OTOF: variants seen among roughly 807,000 people sequenced by gnomAD.
OTOF encodes otoferlin.
A neutral mutation model predicts 236.8 loss-of-function variants in OTOF; 218 were observed. The observed-to-expected ratio is 0.92, with a 90% CI of 0.82 to 1.03. OTOF has a LOEUF of 1.03. OTOF is among the 50% of genes least tolerant of loss of function. The probability of loss-of-function intolerance (pLI) is 0.00; values close to 1 mark genes in which losing one functional copy is unlikely to be tolerated. For missense variants in OTOF, 2,590 were observed against 2,694.4 expected (o/e 0.96, Z 0.86); for synonymous variants, 1,041 against 1,072.5 (o/e 0.97, Z 0.57).
intron 32 of OTOF, among the ~76,000 whole-genome samples, chr2:26,469,430 G>C (rs1664881001): frequency 6.6e-6 from 1 of 152,198 alleles, no homozygotes; most frequent in Non-Finnish European, 1.5e-5. Context: ...AAGTTTTGCT[G>C]AGCACACAGC....
chr2:26,491,147 C>T (rs1025371689), intron 9 of OTOF, among the ~76,000 whole-genome samples: 10 of 152,042 alleles, frequency 6.6e-5, no homozygotes, highest in African/African-American at 1.9e-4. Context: ...AGGAGAGTGG[C>T]GTGAGGGGCC....
chr2:26,486,218 A>G (rs996693071), intron 11 of OTOF, among the ~76,000 whole-genome samples: 2 of 137,258 alleles, frequency 1.5e-5, no homozygotes, highest in African/African-American at 5.5e-5. Context: ...AGGTGGATGG[A>G]TCTGTGGATA....
In OTOF at chr2:26,483,549, G is replaced by A. The variant is rs775703697; in HGVS notation, c.1305C>T (p.Ser435=). Residue 435 remains serine, a synonymous_variant, in exon 13 of 47, where the codon AGC becomes AGT. Coordinates refer to ENST00000272371, the MANE Select transcript of OTOF (RefSeq NM_194248.3). ...RAEGLPRMNT[S]LMANVKKAFI... ...AAGCCTTCTTTACATTGGCCATGAG[G>A]CTTGTGTTCATACGGGGCAGCCCCT... The A allele has an allele frequency of 1.2e-6, 2 of 1,613,998 alleles. No homozygotes were observed. Among genetic ancestry groups the A allele is most frequent in the Non-Finnish European group, 1.7e-6 (2 of 1,180,016 alleles).
At position 26,472,529 on chromosome 2, in the gene OTOF, T is replaced by A; in HGVS notation, c.3854A>T (p.Lys1285Met). 6.2e-7 allele frequency: 1 copy of A among 1,613,508 alleles called. No individual in the cohort carries two copies. The highest frequency in any genetic ancestry group is 1.1e-5 in the South Asian group (1 of 91,086). The change falls in exon 30 of 47, where the codon AAG becomes ATG. Residue 1285 changes from lysine (K) to methionine (M), a missense_variant. By Grantham distance (95) the Lys-to-Met change is moderately conservative. Coordinates refer to ENST00000272371, the MANE Select transcript of OTOF (RefSeq NM_194248.3). ...VPIKKLETMVKLDATSEAVVK... is the reference protein window; with the variant it reads ...VPIKKLETMVMLDATSEAVVK... ...CCCCACCCGCCTTACCGCGTCCAGC[T>A]TCACCATGGTCTCCAGTTTCTTGAT...
intron 11 of OTOF, among the ~76,000 whole-genome samples, chr2:26,487,773 C>T (rs968590677): frequency 2.6e-5 from 4 of 152,236 alleles, no homozygotes; most frequent in African/African-American, 9.6e-5. Context: ...GCCAGTCATT[C>T]CAAGCAAGTA....
At chr2:26,548,398 G>A (rs1415997735) in intron 1 of OTOF, among the ~76,000 whole-genome samples, 2 of 151,960 alleles carry the variant, frequency 1.3e-5, no homozygotes, top group African/African-American at 2.4e-5. Context: ...ATATTCCCAA[G>A]GTTGTACACC....
intron 5 of OTOF, among the ~76,000 whole-genome samples, chr2:26,508,517 C>A (rs745527710): frequency 1.1e-4 from 16 of 152,242 alleles, no homozygotes; most frequent in Non-Finnish European, 2.1e-4. Context: ...GGGACCCACA[C>A]ACACTTGTCC....
At chr2:26,545,212 A>T (rs1055143246) in intron 1 of OTOF, among the ~76,000 whole-genome samples, 1 of 152,222 alleles carries the variant, frequency 6.6e-6, no homozygotes, top group Admixed American at 6.5e-5. Flanking sequence ...AGCATGTGAA[A>T]TAATATCTCT....
chr2:26,493,472 A>G (rs1445470500), intron 9 of OTOF, among the ~76,000 whole-genome samples: 1 of 152,274 alleles, frequency 6.6e-6, no homozygotes, highest in East Asian at 1.9e-4. Flanking sequence ...CAGGAAAGGG[A>G]TGGCAGGGCC....
chr2:26,480,900 C>T lies in OTOF; in HGVS notation c.1689G>A (p.Val563=). The T allele has an allele frequency of 1.2e-6, 2 of 1,612,970 alleles. No individual in the cohort carries two copies. Among genetic ancestry groups the T allele is most frequent in the Non-Finnish European group, 1.7e-6 (2 of 1,179,944 alleles). The change falls in exon 15 of 47, where the codon GTG becomes GTA. Residue 563 remains valine, a synonymous_variant. Transcript: ENST00000272371. Reference sequence around the variant, plus strand: ...CCAGCAGGAGCCGGGCCCGGAAGGACACACCCTCCCCCAGGCCCTCGTTCA... The same window carrying T: ...CCAGCAGGAGCCGGGCCCGGAAGGATACACCCTCCCCCAGGCCCTCGTTCA... ...QDLNEGLGEG[V]SFRARLLLGL... is the part of the protein sequence containing the mutation.
intron 11 of OTOF, 114 bp from the exon 12 acceptor site, chr2:26,484,747 C>T: frequency 9.4e-7 from 1 of 1,063,484 alleles, no homozygotes; most frequent in Non-Finnish European, 1.4e-6. Flanking sequence ...CCCTAGAGTC[C>T]CGGGACCTGG....
At chr2:26,536,483 G>A (rs1285647156) in intron 2 of OTOF, among the ~76,000 whole-genome samples, 1 of 152,282 alleles carries the variant, frequency 6.6e-6, no homozygotes, top group Middle Eastern at 3.4e-3. Context: ...GTGCTGGGCC[G>A]CGATGGTTGA....
rs779197916 is a variant in OTOF, at chr2:26,460,009, CAGG to C, written c.*13_*15del. ...AGGAAGAAGTAAGAAATATCAGACC[CAGG>C]AGGCCACTGGGCTCAGGCCCCGAGG... On this transcript the variant is annotated splice_region_variant and 3_prime_UTR_variant, in exon 46 of 47. Coordinates refer to ENST00000272371, the MANE Select transcript of OTOF (RefSeq NM_194248.3). This position sits in a 1 kb window ranked among gnomAD's most constrained non-coding sequence, Gnocchi z 5.3. 121 of 1,560,542 alleles carry C rather than the reference CAGG, an allele frequency of 7.8e-5. 1 individual carries two copies. The Middle Eastern group carries it at 9.8e-4, about 13-fold the overall frequency.
chr2:26,472,092 A>G (rs1665008699), intron 30 of OTOF, among the ~76,000 whole-genome samples: 1 of 151,470 alleles, frequency 6.6e-6, no homozygotes. Context: ...ATGAACATAC[A>G]CCACACATGC....
At chr2:26,536,278 C>A (rs1373052035) in intron 2 of OTOF, among the ~76,000 whole-genome samples, 1 of 152,182 alleles carries the variant, frequency 6.6e-6, no homozygotes. Context: ...CCATCACCAA[C>A]CCCATTTGAC....
intron 5 of OTOF, among the ~76,000 whole-genome samples, chr2:26,510,501 G>A (rs77329338): frequency 2.0e-5 from 3 of 150,794 alleles, no homozygotes; most frequent in South Asian, 2.1e-4. Flanking sequence ...CACCTCCCCC[G>A]CGACCCTAAC....
Position 26,470,481 on chromosome 2 carries a change from A to G in OTOF, c.4023+112T>C. On this transcript the variant is annotated intron_variant, in intron 32 of 46. Transcript: ENST00000272371. This position sits in a 1 kb window ranked among gnomAD's most constrained non-coding sequence, Gnocchi z 4.3. Reference sequence around the variant, plus strand: ...AGGATGTGAGACAAAACCATCCCAAACTCACATGAATGGAGTTGGGATCCA... The same window carrying G: ...AGGATGTGAGACAAAACCATCCCAAGCTCACATGAATGGAGTTGGGATCCA... 1 of 1,065,634 alleles carries G rather than the reference A, an allele frequency of 9.4e-7. No homozygotes were observed. Among genetic ancestry groups the G allele is most frequent in the East Asian group, 2.4e-5 (1 of 42,194 alleles). 66.0% of individuals were successfully genotyped at this position (1,065,634 alleles called of 1,614,324 possible).
intron 5 of OTOF, among the ~76,000 whole-genome samples, chr2:26,511,185 A>C (rs1666380110): frequency 6.6e-6 from 1 of 151,850 alleles, no homozygotes; most frequent in Non-Finnish European, 1.5e-5. Context: ...GCTCCCCTCC[A>C]ATGGGGTGGG....
intron 2 of OTOF, among the ~76,000 whole-genome samples, chr2:26,533,572 C>G (rs975863403): frequency 6.6e-6 from 1 of 152,138 alleles, no homozygotes; most frequent in African/African-American, 2.4e-5. Flanking sequence ...TCTTCAACTG[C>G]AAGACAAGAG....
Sources: allele counts gnomAD v4.1 joint callset (sites outside exome capture counted in the v4.1 genomes callset), GRCh38; gene constraint gnomAD v4.1.1; non-coding constraint Gnocchi (gnomAD v3.1); transcripts MANE v1.5; gene names NCBI Gene and HGNC (gene_info 2026-07-23, HGNC 2026-07-21).